DYNC2LI1: variants seen among roughly 807,000 people sequenced by gnomAD.
DYNC2LI1 encodes the protein dynein cytoplasmic 2 light intermediate chain 1.
A neutral mutation model predicts 51.9 loss-of-function variants in DYNC2LI1; 45 were observed. That is an observed-to-expected ratio of 0.87 (90% CI 0.68 to 1.11). DYNC2LI1 has a LOEUF of 1.11. Among genes scored for constraint, DYNC2LI1 ranks in the 50% most tolerant of loss-of-function variants. DYNC2LI1 has a pLI of 0.00. For missense variants in DYNC2LI1, 490 were observed against 417.4 expected (o/e 1.17, Z -1.51); for synonymous variants, 130 against 137.8 (o/e 0.94, Z 0.40).
At position 43,774,098 on chromosome 2, in the gene DYNC2LI1, A is replaced by T. The variant is rs777737519; in HGVS notation, c.-41A>T. ...GCCGCCTGATTCTAGGCTGGTCACT[A>T]CTCCGAGCCTGTGACGTTTGCGGCA... On this transcript the variant is annotated 5_prime_UTR_variant, in exon 1 of 13. Transcript: ENST00000260605. The T allele has an allele frequency of 1.2e-6, 2 of 1,612,578 alleles. No homozygotes were observed. The highest frequency in any genetic ancestry group is 1.7e-5 in the Admixed American group (1 of 59,956).
At position 43,781,962 on chromosome 2, in the gene DYNC2LI1, A is replaced by G. The variant is rs1245256409; in HGVS notation, c.127-1558A>G. 2.0e-5 allele frequency among the ~76,000 whole-genome samples: 3 copies of G among 151,652 alleles called. No individual in the cohort carries two copies. The East Asian group carries it at 5.8e-4, about 29-fold the overall frequency. On this transcript the variant is annotated intron_variant, in intron 2 of 12. Transcript: ENST00000260605. Reference sequence around the variant, plus strand: ...TCAAATCCTTCAGCTAGAAATAATCATTATTAACATAGTGATGTCCCCCTA... The same window carrying G: ...TCAAATCCTTCAGCTAGAAATAATCGTTATTAACATAGTGATGTCCCCCTA...
At chr2:43,822,161 C>T in the DYNC2LI1 span, among the ~76,000 whole-genome samples, 4 of 152,328 alleles carry the variant, frequency 2.6e-5, no homozygotes, top group Non-Finnish European at 4.4e-5. Flanking sequence ...ACAGAATCTG[C>T]TTCCTCCATC....
At chr2:43,814,536 T>C, downstream of DYNC2LI1, 2 of 1,610,510 alleles carry the variant, frequency 1.2e-6, no homozygotes, top group Non-Finnish European at 1.7e-6. Context: ...GCAATATTTT[T>C]GGAATGTAAA....
chr2:43,816,644 G>C, the DYNC2LI1 span, among the ~76,000 whole-genome samples: 1 of 152,094 alleles, frequency 6.6e-6, no homozygotes, highest in Admixed American at 6.6e-5. Flanking sequence ...CCCAGGTTCA[G>C]GTGATTCTCC....
the DYNC2LI1 span, among the ~76,000 whole-genome samples, chr2:43,816,973 G>A: frequency 1.3e-5 from 2 of 152,282 alleles, no homozygotes; most frequent in East Asian, 3.9e-4. Flanking sequence ...TAAAAGAGAA[G>A]GGAGCCAACA....
At chr2:43,801,479 G>T in intron 9 of DYNC2LI1, 160 bp from the exon 10 acceptor site, 1 of 479,744 alleles carries the variant, frequency 2.1e-6, no homozygotes, top group Non-Finnish European at 3.7e-6. Flanking sequence ...GTTAATTTTT[G>T]AAATCACTTA....
At chr2:43,817,098 G>A in the DYNC2LI1 span, among the ~76,000 whole-genome samples, 6 of 152,192 alleles carry the variant, frequency 3.9e-5, no homozygotes, top group East Asian at 5.8e-4. Flanking sequence ...AATTTTCAGC[G>A]ATGGAAGTGG....
chr2:43,801,818 C>A, intron 10 of DYNC2LI1, 109 bp downstream of exon 10: 2 of 741,420 alleles, frequency 2.7e-6, no homozygotes, highest in Non-Finnish European at 4.4e-6. Context: ...GTTTCATTAT[C>A]ATTGCTGTTA....
At chr2:43,823,062 T>A in the DYNC2LI1 span, 1 of 1,308,512 alleles carries the variant, frequency 7.6e-7, no homozygotes, top group South Asian at 1.3e-5. Context: ...GGTTCCCTAG[T>A]CATAGAAGGA....
Position 43,792,775 on chromosome 2 carries a change from A to G in DYNC2LI1, c.321-1682A>G, listed in dbSNP as rs747001230. On this transcript the variant is annotated intron_variant, in intron 5 of 12. Coordinates refer to ENST00000260605, the MANE Select transcript of DYNC2LI1 (RefSeq NM_016008.4). ...TTCATTATTTGTCCTTTTGTTATTTATTTCATTTAGCATAACGTCTTCAGG... is the reference window on the plus strand; with the variant it reads ...TTCATTATTTGTCCTTTTGTTATTTGTTTCATTTAGCATAACGTCTTCAGG... The G allele has an allele frequency of 3.9e-6, 6 of 1,541,728 alleles. No individual in the cohort carries two copies. The South Asian group carries it at 6.0e-5, about 15-fold the overall frequency.
chr2:43,789,501 A>C, intron 4 of DYNC2LI1, 132 bp from the exon 5 acceptor site: 1 of 682,262 alleles, frequency 1.5e-6, no homozygotes, highest in Non-Finnish European at 2.4e-6. Flanking sequence ...GGGATAAAGG[A>C]AAAAATTTTG....
At chr2:43,774,297 C>A in intron 1 of DYNC2LI1, 151 bp downstream of exon 1, 2 of 1,015,824 alleles carry the variant, frequency 2.0e-6, no homozygotes, top group Non-Finnish European at 2.9e-6. Flanking sequence ...CAGCCTTGAG[C>A]ATAAAGATTC....
At chr2:43,784,528 C>T (rs2104673120) in intron 3 of DYNC2LI1, among the ~76,000 whole-genome samples, 1 of 152,216 alleles carries the variant, frequency 6.6e-6, no homozygotes, top group South Asian at 2.1e-4. Flanking sequence ...CAACCTCCGC[C>T]TCCTGGGTTC....
At chr2:43,802,356 ACT>A in intron 10 of DYNC2LI1, among the ~76,000 whole-genome samples, 1 of 143,730 alleles carries the variant, frequency 7.0e-6, no homozygotes, top group Middle Eastern at 3.7e-3. Flanking sequence ...TGCTTTTAAA[ACT>A]CTAATGGGCA....
intron 6 of DYNC2LI1, chr2:43,794,851 A>G (rs1205827138): frequency 1.4e-6 from 2 of 1,434,066 alleles, no homozygotes; most frequent in Non-Finnish European, 1.8e-6. Flanking sequence ...CTTGTTAGAC[A>G]TCTTCTGTGA....
At chr2:43,795,184 G>C (rs1339740167) in intron 6 of DYNC2LI1, 1 of 989,714 alleles carries the variant, frequency 1.0e-6, no homozygotes, top group African/African-American at 1.7e-5. Flanking sequence ...GGAAAACTGA[G>C]AGCAGCATTT....
the DYNC2LI1 span, among the ~76,000 whole-genome samples, chr2:43,817,635 C>T: frequency 4.6e-3 from 697 of 151,490 alleles, 6 homozygotes; most frequent in African/African-American, 0.016. Flanking sequence ...TAAGGCCAGA[C>T]GCGGTGGCTC....
At chr2:43,795,864 A>G (rs1191235717) in intron 6 of DYNC2LI1, 26 bp from the exon 7 acceptor site, 2 of 1,587,726 alleles carry the variant, frequency 1.3e-6, no homozygotes, top group African/African-American at 1.3e-5. Flanking sequence ...AATTACAACA[A>G]CTCAAGGAAA....
intron 12 of DYNC2LI1, among the ~76,000 whole-genome samples, chr2:43,809,079 C>T (rs972105623): frequency 8.5e-5 from 13 of 152,090 alleles, no homozygotes; most frequent in African/African-American, 2.9e-4. Flanking sequence ...GCCTTGGCCT[C>T]CCAGGTTCAA....
Sources: gnomAD v4.1 joint callset for allele counts (sites outside exome capture counted in the v4.1 genomes callset) on GRCh38, gnomAD v4.1.1 for gene constraint, MANE v1.5 for transcripts, NCBI Gene and HGNC (gene_info 2026-07-23, HGNC 2026-07-21) for gene names.